The following UVSSA variants were observed in gnomAD, a reference collection of about 807,000 sequenced individuals.
UVSSA encodes UV-stimulated scaffold protein A.
UVSSA carries 72 observed loss-of-function variants against 73.9 expected under a neutral mutation model. The ratio of observed to expected loss-of-function variants is 0.97; its 90% confidence interval spans 0.81 to 1.19. UVSSA has a LOEUF of 1.19. Among genes scored for constraint, UVSSA ranks in the 50% most tolerant of loss-of-function variants. The pLI is 0.00. For missense variants in UVSSA, 1,150 were observed against 965.0 expected, an observed-to-expected ratio of 1.19 and a Z score of -2.54; for synonymous variants, 454 against 391.3, an observed-to-expected ratio of 1.16 and a Z score of -1.89.
At chr4:1,362,939 T>A (rs574189509) in intron 7 of UVSSA, among the ~76,000 whole-genome samples, 1 of 152,346 alleles carries the variant, frequency 6.6e-6, no homozygotes, top group South Asian at 2.1e-4. Context: ...TCCCTGCCTG[T>A]CCCTGGCGTT....
rs896558087 is a variant in UVSSA at position 1,386,110 on chromosome 4, G to A, written c.*149G>A. On this transcript the variant is annotated 3_prime_UTR_variant, in exon 14 of 14. Transcript: ENST00000389851. ...AATGGTGTGTTGCAATGCCCTGAAG[G>A]TACGGCCGCTCTGCTGCTACAGGGT... 13 of 829,046 alleles carry A rather than the reference G, an allele frequency of 1.6e-5. No individual in the cohort carries two copies. The highest frequency in any genetic ancestry group is 3.4e-5 in the African/African-American group (2 of 59,490). 51.4% of individuals were successfully genotyped at this position (829,046 alleles called of 1,614,324 possible).
chr4:1,363,137 C>G (rs1342870593), intron 7 of UVSSA, among the ~76,000 whole-genome samples: 4 of 151,938 alleles, frequency 2.6e-5, no homozygotes, highest in Non-Finnish European at 4.4e-5. Context: ...TCAGTAGTTG[C>G]AAGCTGAAGT....
chr4:1,370,254 T>C (rs1179628862), intron 8 of UVSSA, among the ~76,000 whole-genome samples: 1 of 152,174 alleles, frequency 6.6e-6, no homozygotes, highest in Non-Finnish European at 1.5e-5. Context: ...ACTGTGAGCA[T>C]GTGCGTGTGT....
At position 1,354,811 on chromosome 4, in the gene UVSSA, G is replaced by A. The variant is rs762867581; in HGVS notation, c.1011G>A (p.Arg337=). ...HAARDTLKLI[R]NKFLPAVCSW... is the part of the protein sequence containing the mutation. Reference sequence around the variant, plus strand: ...CCCGCGACACACTCAAGCTCATCCGGAACAAGTTCCTGCCGGCTGTGTGCT... The same window carrying A: ...CCCGCGACACACTCAAGCTCATCCGAAACAAGTTCCTGCCGGCTGTGTGCT... Residue 337 remains arginine (R), a synonymous_variant, in exon 6 of 14, where the codon CGG becomes CGA. Transcript: ENST00000389851. 5 of 1,611,908 alleles carry A rather than the reference G, an allele frequency of 3.1e-6. No individual in the cohort carries two copies. The highest frequency in any genetic ancestry group is 4.2e-6 in the Non-Finnish European group (5 of 1,179,100).
chr4:1,371,699 G>A (rs939229589), intron 8 of UVSSA, among the ~76,000 whole-genome samples: 5 of 152,306 alleles, frequency 3.3e-5, no homozygotes, highest in Middle Eastern at 3.4e-3. Context: ...TTTTACAGCC[G>A]TCAGATCTCG....
rs956268654 is a variant in UVSSA, at chr4:1,395,937, A to G, written c.*9976A>G. Reference sequence around the variant, plus strand: ...GATTTGTTAGCCTGGTGCTTTTCGTATCAGACCTTTTAATGAATTTTCATG... The same window carrying G: ...GATTTGTTAGCCTGGTGCTTTTCGTGTCAGACCTTTTAATGAATTTTCATG... On this transcript the variant is annotated 3_prime_UTR_variant, in exon 14 of 14. Transcript: ENST00000511216. 4 of 1,541,252 alleles carry G rather than the reference A, an allele frequency of 2.6e-6. No homozygotes were observed. In the Admixed American group the frequency reaches 6.1e-5, roughly 23 times the overall value.
At chr4:1,367,451 G>C (rs1440188614) in intron 8 of UVSSA, among the ~76,000 whole-genome samples, 1 of 140,080 alleles carries the variant, frequency 7.1e-6, no homozygotes, top group Non-Finnish European at 1.5e-5. Context: ...GACAACTCAT[G>C]TGTGAAGATA....
intron 3 of UVSSA, among the ~76,000 whole-genome samples, chr4:1,350,097 G>A (rs920193764): frequency 6.6e-6 from 1 of 151,770 alleles, no homozygotes; most frequent in African/African-American, 2.4e-5. Context: ...TTATGTGTGG[G>A]TGGAGCTGAG....
At position 1,349,778 on chromosome 4, in the gene UVSSA, A is replaced by T. The variant is rs200231004; in HGVS notation, c.353A>T (p.Glu118Val). ...RLRQATTRAVEGWNEKFGEAY... is the reference protein window; with the variant it reads ...RLRQATTRAVVGWNEKFGEAY... ...AGGCAGGCGACCACCCGGGCCGTGG[A>T]AGGGTGGAATGAGAAGTTTGGGGAG... is the stretch of plus-strand genomic sequence containing the variant. Residue 118 changes from glutamate (E) to valine (V), a missense_variant, in exon 3 of 14, where the codon GAA (glutamate) becomes GTA (valine). By Grantham distance (121) the Glu-to-Val change is moderately radical (BLOSUM62 -2). Transcript: ENST00000389851. 9 of 1,606,180 alleles carry T rather than the reference A, an allele frequency of 5.6e-6. No individual in the cohort carries two copies. The African/African-American group carries it at 1.2e-4, about 22-fold the overall frequency.
exon 14 of UVSSA, chr4:1,394,475 A>T: frequency 6.2e-7 from 1 of 1,609,982 alleles, no homozygotes; most frequent in Non-Finnish European, 8.5e-7. Context: ...CCAGTTTTTA[A>T]ATTTCAAATA....
rs1714412925 is a variant in UVSSA, at chr4:1,349,845, C to G, written c.420C>G (p.His140Gln). 2 of 1,546,392 alleles carry G rather than the reference C, an allele frequency of 1.3e-6. No individual in the cohort carries two copies. The highest frequency in any genetic ancestry group is 1.4e-5 in the African/African-American group (1 of 72,054). ...CCTTGGGCTACCACTTCTTAAGACACAACAAAAAGGTAGGTGGGCCTGGCC... is the reference window on the plus strand; with the variant it reads ...CCTTGGGCTACCACTTCTTAAGACAGAACAAAAAGGTAGGTGGGCCTGGCC... ...KLALGYHFLRHNKKVDFQDTN... is the reference protein window; with the variant it reads ...KLALGYHFLRQNKKVDFQDTN... Residue 140 changes from histidine to glutamine, a missense_variant, in exon 3 of 14, where the codon CAC becomes CAG. His to Gln is a conservative substitution (Grantham distance 24, BLOSUM62 0). Transcript: ENST00000389851.
At chr4:1,370,318 C>T (rs548729737) in intron 8 of UVSSA, among the ~76,000 whole-genome samples, 2 of 152,172 alleles carry the variant, frequency 1.3e-5, no homozygotes, top group East Asian at 1.9e-4. Context: ...TGTGTATTGC[C>T]GGAATACTGA....
At position 1,387,395 on chromosome 4, in the gene UVSSA, C is replaced by T. The variant is rs904353193; in HGVS notation, c.*1434C>T. 2 of 152,200 alleles carry T rather than the reference C, an allele frequency of 1.3e-5. No homozygotes were observed. The highest frequency in any genetic ancestry group is 2.9e-5 in the Non-Finnish European group (2 of 68,032). The allele number at this position is 152,200 out of a possible 1,614,324, so 9.4% of individuals were successfully genotyped here. A position where few individuals can be genotyped will look rare whatever the true frequency, so the allele number is the denominator to read the frequency against. On this transcript the variant is annotated 3_prime_UTR_variant, in exon 14 of 14. Coordinates refer to ENST00000389851, the MANE Select transcript of UVSSA (RefSeq NM_020894.4). Reference sequence around the variant, plus strand: ...TCAGCTGATTTGCAAAAACTTTCTTCCATACTGTTGTTTCACTTTCTGGAT... The same window carrying T: ...TCAGCTGATTTGCAAAAACTTTCTTTCATACTGTTGTTTCACTTTCTGGAT...
rs1713887243 is a variant in UVSSA, at chr4:1,347,541, C to T, written c.-222C>T. ...TTCCCAGCCTCCGCCCCGGCCTCGC[C>T]TGGCGCTTCCTTCCGGGTCCTTCGG... On this transcript the variant is annotated 5_prime_UTR_variant, in exon 1 of 14. Transcript: ENST00000389851. The T allele has an allele frequency of 6.6e-6, 1 of 152,558 alleles. No homozygotes were observed. Among genetic ancestry groups the T allele is most frequent in the Non-Finnish European group, 1.5e-5 (1 of 68,212 alleles). 9.5% of individuals were successfully genotyped at this position (152,558 alleles called of 1,614,324 possible).
At chr4:1,353,889 G>A (rs1715209158) in intron 5 of UVSSA, among the ~76,000 whole-genome samples, 1 of 152,192 alleles carries the variant, frequency 6.6e-6, no homozygotes, top group Non-Finnish European at 1.5e-5. Flanking sequence ...AATGGCCACG[G>A]GCAGCCTTGG....
At chr4:1,384,148 GC>G in intron 13 of UVSSA, 3 of 626,786 alleles carry the variant, frequency 4.8e-6, no homozygotes, top group South Asian at 2.2e-5. Flanking sequence ...GCTCAGGAAC[GC>G]CCCCCAGCAT....
intron 7 of UVSSA, among the ~76,000 whole-genome samples, chr4:1,362,600 C>T (rs1464945024): frequency 2.6e-5 from 4 of 152,200 alleles, no homozygotes; most frequent in African/African-American, 7.2e-5. Flanking sequence ...GATTCTTGCT[C>T]GTCCAGAGCC....
In UVSSA at chr4:1,375,153, C is replaced by T. The variant is rs556452468; in HGVS notation, c.1289-211C>T. ...CACAAGGCGGGACTGCCGGACCCCC[C>T]GACGCACGCCATGTTCTGGCAGAGC... On this transcript the variant is annotated intron_variant, in intron 8 of 13. Coordinates refer to ENST00000389851, the MANE Select transcript of UVSSA (RefSeq NM_020894.4). 19 of 708,392 alleles carry T rather than the reference C, an allele frequency of 2.7e-5. No individual in the cohort carries two copies. In the East Asian group the frequency reaches 3.3e-4, roughly 12 times the overall value. 43.9% of individuals were successfully genotyped at this position (708,392 alleles called of 1,614,324 possible).
chr4:1,352,885 G>C (rs758632675), intron 4 of UVSSA, 145 bp from the exon 5 acceptor site: 263 of 1,142,478 alleles, frequency 2.3e-4, no homozygotes, highest in Middle Eastern at 5.6e-4. Context: ...GTCGAGGCTG[G>C]GGTGAGCTGT....
Sources: allele counts gnomAD v4.1 joint callset (sites outside exome capture counted in the v4.1 genomes callset), GRCh38; gene constraint gnomAD v4.1.1; transcripts MANE v1.5; gene names NCBI Gene and HGNC (gene_info 2026-07-23, HGNC 2026-07-21).